The following CCDC171 variants were observed in gnomAD, a reference collection of about 807,000 sequenced individuals.
CCDC171 encodes the protein coiled-coil domain-containing protein 171.
A neutral mutation model predicts 168.2 loss-of-function variants in CCDC171; 177 were observed. The observed-to-expected ratio is 1.05, with a 90% CI of 0.93 to 1.19. The LOEUF (loss-of-function observed/expected upper bound fraction) is 1.19, where lower values mean the gene tolerates loss of function less well. CCDC171 is among the 50% of genes most tolerant of loss of function. The pLI is 0.00. For missense variants in CCDC171, 1,991 were observed against 1,539.0 expected (o/e 1.29, Z -4.91); for synonymous variants, 687 against 540.8 (o/e 1.27, Z -3.75).
At chr9:15,703,072 T>G (rs1323668406) in intron 11 of CCDC171, among the ~76,000 whole-genome samples, 1 of 152,056 alleles carries the variant, frequency 6.6e-6, no homozygotes, top group African/African-American at 2.4e-5. Context: ...CCCAGCTAAT[T>G]TTTTTTAATT....
rs770332100 is a variant in CCDC171 at position 15,784,542 on chromosome 9, T to C, written c.3115T>C (p.Cys1039Arg). The C allele has an allele frequency of 3.7e-6, 6 of 1,613,232 alleles. No homozygotes were observed. The highest frequency in any genetic ancestry group is 1.7e-5 in the Admixed American group (1 of 59,950). ...CACCCATGAGAAGTTTGAAAGTGCA[T>C]GTGAAGAACTAAATAATGCATTACT... ...LITHEKFESA[C>R]EELNNALLRE... Residue 1039 changes from cysteine (C) to arginine (R), a missense_variant, in exon 21 of 26, where the codon TGT becomes CGT. By Grantham distance (180) the Cys-to-Arg change is radical. Coordinates refer to ENST00000380701, the MANE Select transcript of CCDC171 (RefSeq NM_173550.4).
intron 6 of CCDC171, among the ~76,000 whole-genome samples, chr9:16,027,608 T>A (rs10756735): frequency 6.6e-6 from 1 of 152,032 alleles, no homozygotes; most frequent in African/African-American, 2.4e-5. Context: ...TTTTCAGGAC[T>A]GAGTATTGCA....
At chr9:15,661,051 C>T (rs1587805284) in intron 8 of CCDC171, among the ~76,000 whole-genome samples, 4 of 152,198 alleles carry the variant, frequency 2.6e-5, no homozygotes, top group East Asian at 3.9e-4. Flanking sequence ...GAGGCCGAGG[C>T]GGGTGGATCA....
chr9:15,738,453 C>T lies in CCDC171; in HGVS notation c.2050-5820C>T, dbSNP rs2054631308. The stretch of plus-strand genomic sequence containing the variant: ...ATTTTTAGGTTTTTTTCTTCATGAT[C>T]GGAATGTTTTTATGGGGGAATTTGA... On this transcript the variant is annotated intron_variant, in intron 16 of 25. Coordinates refer to ENST00000380701, the MANE Select transcript of CCDC171 (RefSeq NM_173550.4). Among the ~76,000 whole-genome samples the T allele has an allele frequency of 2.6e-5, 4 of 152,072 alleles. 1 individual carries two copies. Among genetic ancestry groups the T allele is most frequent in the Middle Eastern group, 6.8e-3 (2 of 294 alleles).
chr9:15,724,786 A>G lies in CCDC171; in HGVS notation c.1502A>G (p.Asp501Gly), dbSNP rs745315414. The change falls in exon 14 of 26, where the codon GAT becomes GGT. Residue 501 changes from aspartate to glycine, a missense_variant. Coordinates refer to ENST00000380701, the MANE Select transcript of CCDC171 (RefSeq NM_173550.4). ...TGGTATCTATGACAGGAACTTCAGG[A>G]TAAACTGGCTGATGTTAATAAAGAG... is the stretch of plus-strand genomic sequence containing the variant. ...SHTKNIKELQ[D>G]KLADVNKELS... is the part of the protein sequence containing the mutation. 1.9e-6 allele frequency: 3 copies of G among 1,612,904 alleles called. No homozygotes were observed. The highest frequency in any genetic ancestry group is 1.7e-6 in the Non-Finnish European group (2 of 1,179,116).
chr9:16,054,552 T>C (rs1030097556), intron 1 of CCDC171, among the ~76,000 whole-genome samples: 1 of 152,200 alleles, frequency 6.6e-6, no homozygotes, highest in African/African-American at 2.4e-5. Flanking sequence ...ACCTGGAGAT[T>C]CCTTGATTAG....
intron 1 of CCDC171, among the ~76,000 whole-genome samples, chr9:16,057,098 A>G (rs1019578324): frequency 6.6e-6 from 1 of 152,228 alleles, no homozygotes; most frequent in South Asian, 2.1e-4. Flanking sequence ...TTGTTCTGTA[A>G]CAACTTCTGC....
intron 7 of CCDC171, among the ~76,000 whole-genome samples, chr9:15,642,765 A>G (rs2046744036): frequency 6.6e-6 from 1 of 152,170 alleles, no homozygotes; most frequent in African/African-American, 2.4e-5. Flanking sequence ...TTGTGAAAAT[A>G]AAGACATGAT....
intron 18 of CCDC171, among the ~76,000 whole-genome samples, chr9:15,760,631 A>G (rs1001100131): frequency 8.5e-5 from 13 of 152,074 alleles, no homozygotes; most frequent in African/African-American, 2.9e-4. Flanking sequence ...TCATTGTTTT[A>G]TTTCTTTCTT....
In CCDC171 at chr9:15,642,343, G is replaced by GTATATATATA. The variant is rs55976539; in HGVS notation, c.823-14752_823-14743dup. ...TATATATATATACACGTGTGTGTGT[G>GTATATATATA]TATATATATATATATATATATATAT... On this transcript the variant is annotated intron_variant, in intron 7 of 25. Coordinates refer to ENST00000380701, the MANE Select transcript of CCDC171 (RefSeq NM_173550.4). Among the ~76,000 whole-genome samples the GTATATATATA allele has an allele frequency of 4.9e-4, 53 of 107,488 alleles. 1 individual carries two copies. Among genetic ancestry groups the GTATATATATA allele is most frequent in the African/African-American group, 7.1e-4 (14 of 19,850 alleles). 70.5% of individuals were successfully genotyped at this position (107,488 alleles called of 152,430 possible).
At chr9:16,097,524 G>T in the CCDC171 span, among the ~76,000 whole-genome samples, 4 of 152,164 alleles carry the variant, frequency 2.6e-5, no homozygotes, top group Non-Finnish European at 5.9e-5. Context: ...ACTGAAGCTT[G>T]CTTGAAGCTA....
At chr9:15,781,988 A>G (rs887570280) in intron 20 of CCDC171, among the ~76,000 whole-genome samples, 1 of 152,136 alleles carries the variant, frequency 6.6e-6, no homozygotes, top group Non-Finnish European at 1.5e-5. Flanking sequence ...GTGGCTCTAA[A>G]ACTCATGCTT....
At chr9:15,847,132 T>C (rs2060932330) in intron 22 of CCDC171, among the ~76,000 whole-genome samples, 1 of 152,118 alleles carries the variant, frequency 6.6e-6, no homozygotes, top group Non-Finnish European at 1.5e-5. Context: ...GTTTTATTAA[T>C]GTGAAATGTA....
intron 21 of CCDC171, among the ~76,000 whole-genome samples, chr9:15,818,091 A>C (rs2059628279): frequency 8.5e-6 from 1 of 117,752 alleles, no homozygotes; most frequent in African/African-American, 3.2e-5. Context: ...CAGGGTCTGG[A>C]GTGGACCTCC....
intron 25 of CCDC171, among the ~76,000 whole-genome samples, chr9:15,942,856 G>C (rs2132313406): frequency 6.6e-6 from 1 of 151,954 alleles, no homozygotes; most frequent in Non-Finnish European, 1.5e-5. Context: ...ATGACCAAAT[G>C]CTCCTACAAT....
At chr9:16,006,496 A>G (rs1832699399) in intron 3 of CCDC171, among the ~76,000 whole-genome samples, 1 of 152,126 alleles carries the variant, frequency 6.6e-6, no homozygotes. Flanking sequence ...TTTGTTACAT[A>G]TGTATACATG....
chr9:16,086,759 T>A, the CCDC171 span, among the ~76,000 whole-genome samples: 28 of 152,216 alleles, frequency 1.8e-4, 1 homozygote, highest in African/African-American at 6.5e-4. Flanking sequence ...TGCTAGCTTT[T>A]GAGTTTGTTT....
At chr9:15,780,756 AT>A (rs1325406786) in intron 20 of CCDC171, among the ~76,000 whole-genome samples, 1 of 152,106 alleles carries the variant, frequency 6.6e-6, no homozygotes. Context: ...TACTGTAATC[AT>A]TTTCCTCTGT....
intron 11 of CCDC171, among the ~76,000 whole-genome samples, chr9:15,705,097 C>CAA (rs907205108): frequency 4.6e-5 from 7 of 151,154 alleles, no homozygotes; most frequent in Non-Finnish European, 1.0e-4. Flanking sequence ...TTACGACACA[C>CAA]ACACACACAC....
Sources: allele counts gnomAD v4.1 joint callset (sites outside exome capture counted in the v4.1 genomes callset), GRCh38; gene constraint gnomAD v4.1.1; transcripts MANE v1.5; gene names NCBI Gene and HGNC (gene_info 2026-07-23, HGNC 2026-07-21).